The following NAV3 variants were observed in gnomAD, a reference collection of about 807,000 sequenced individuals.
NAV3 encodes the protein neuron navigator 3.
Under a neutral mutation model 244.7 loss-of-function variants are expected in NAV3, and 87 were observed. The observed-to-expected ratio is 0.36, with a 90% confidence interval of 0.30 to 0.42. The LOEUF (loss-of-function observed/expected upper bound fraction) is 0.42, where lower values mean the gene tolerates loss of function less well. Ranked by LOEUF, NAV3 falls within the 20% of genes least tolerant of loss-of-function variation. The pLI, the probability that NAV3 is intolerant of heterozygous loss-of-function variation, is 1.00. For synonymous variants in NAV3, 1,126 were observed against 1,042.2 expected (o/e 1.08, Z -1.55); for missense variants, 2,663 against 2,893.3 (o/e 0.92, Z 1.83).
intron 12 of NAV3, among the ~76,000 whole-genome samples, chr12:78,097,101 C>T (rs1412781517): frequency 1.3e-5 from 2 of 152,120 alleles, no homozygotes; most frequent in Non-Finnish European, 2.9e-5. Context: ...AGGTAGTAGC[C>T]TGAGAGCAGC....
chr12:77,796,212 T>C (rs1008633683), intron 2 of NAV3, among the ~76,000 whole-genome samples: 22 of 151,886 alleles, frequency 1.4e-4, no homozygotes, highest in Admixed American at 8.6e-4. Context: ...TGGGAGGAGG[T>C]TAAAATATCA....
chr12:77,650,630 G>A (rs1354586731), intron 2 of NAV3, among the ~76,000 whole-genome samples: 1 of 152,052 alleles, frequency 6.6e-6, no homozygotes, highest in Non-Finnish European at 1.5e-5. Context: ...TAGTTATTTA[G>A]TGTGGTTTAT....
At chr12:77,678,429 G>A (rs541843143) in intron 2 of NAV3, among the ~76,000 whole-genome samples, 16 of 152,238 alleles carry the variant, frequency 1.1e-4, no homozygotes, top group African/African-American at 3.6e-4. Context: ...GCAGGCATCT[G>A]ATTCCAAAAA....
At chr12:77,964,864 A>C (rs180698321) in intron 3 of NAV3, among the ~76,000 whole-genome samples, 9 of 152,276 alleles carry the variant, frequency 5.9e-5, no homozygotes, top group Admixed American at 5.2e-4. Flanking sequence ...CAAACAGCAT[A>C]TCATTGTATA....
rs868249374 is a variant in NAV3, at chr12:78,132,425, G to A, written c.4441+3559G>A. 9.9e-5 allele frequency among the ~76,000 whole-genome samples: 15 copies of A among 152,250 alleles called. No individual in the cohort carries two copies. In the South Asian group the frequency reaches 3.1e-3, roughly 32 times the overall value. ...GGTTTATATCAGAGATCTCTCAGCTGTGTCAGACAGGCCATGACTTAAGTG... is the reference window on the plus strand; with the variant it reads ...GGTTTATATCAGAGATCTCTCAGCTATGTCAGACAGGCCATGACTTAAGTG... On this transcript the variant is annotated intron_variant, in intron 18 of 39. Transcript: ENST00000397909.
At chr12:77,880,657 A>G (rs1882515471) in intron 1 of NAV3, among the ~76,000 whole-genome samples, 1 of 152,170 alleles carries the variant, frequency 6.6e-6, no homozygotes, top group Admixed American at 6.6e-5. Context: ...GTGGTACCAT[A>G]AGATTATAAT....
intron 2 of NAV3, among the ~76,000 whole-genome samples, chr12:77,720,468 T>C (rs1317306908): frequency 4.6e-5 from 7 of 152,092 alleles, no homozygotes; most frequent in Non-Finnish European, 1.0e-4. Context: ...TTCTTCCTCT[T>C]GTGTCTGTTT....
rs116552251 is a variant in NAV3, at chr12:77,857,190, T to A, written c.243+25486T>A. Reference sequence around the variant, plus strand: ...TTTAATGAGGGAGTACACTTGAATATGTTACTTAATCTCTCTGAGCTCCAG... The same window carrying A: ...TTTAATGAGGGAGTACACTTGAATAAGTTACTTAATCTCTCTGAGCTCCAG... On this transcript the variant is annotated intron_variant, in intron 1 of 39. Coordinates refer to ENST00000397909, the MANE Select transcript of NAV3 (RefSeq NM_001024383.2). Among the ~76,000 whole-genome samples the A allele has an allele frequency of 4.3e-3, 651 of 152,204 alleles. 3 individuals are homozygous for A. Among genetic ancestry groups the A allele is most frequent in the African/African-American group, 0.015 (630 of 41,566 alleles).
intron 7 of NAV3, among the ~76,000 whole-genome samples, chr12:78,001,756 C>T (rs1243934127): frequency 2.6e-5 from 4 of 152,156 alleles, no homozygotes; most frequent in African/African-American, 7.2e-5. Flanking sequence ...GAAATAGAAA[C>T]GTTACAATGG....
At chr12:78,050,648 AAGATGACGTGTTTATAAG>A (rs1004614703) in intron 10 of NAV3, 98 bp from the exon 11 acceptor site, 55 of 1,057,894 alleles carry the variant, frequency 5.2e-5, no homozygotes, top group Non-Finnish European at 7.0e-5. Context: ...AGCTTTCGGG[AAGATGACGTGTTTATAAG>A]AGATGACCCT....
intron 1 of NAV3, among the ~76,000 whole-genome samples, chr12:77,898,188 T>C (rs1884851742): frequency 6.6e-6 from 1 of 152,228 alleles, no homozygotes. Flanking sequence ...TATTATATCA[T>C]GATTTCCGTC....
intron 2 of NAV3, among the ~76,000 whole-genome samples, chr12:77,772,510 G>A (rs1870145297): frequency 6.6e-6 from 1 of 152,092 alleles, no homozygotes; most frequent in African/African-American, 2.4e-5. Context: ...ATGATAAATA[G>A]TGCTACCACT....
chr12:77,603,475 A>G (rs113863016), intron 2 of NAV3, among the ~76,000 whole-genome samples: 1 of 151,872 alleles, frequency 6.6e-6, no homozygotes, highest in African/African-American at 2.4e-5. Context: ...TAAGGTAATA[A>G]CTAAGATTAG....
intron 2 of NAV3, among the ~76,000 whole-genome samples, chr12:77,586,435 A>G (rs1172766389): frequency 6.6e-6 from 1 of 152,200 alleles, no homozygotes; most frequent in African/African-American, 2.4e-5. Context: ...TTTTCACTCA[A>G]AGATAATGGG....
At position 78,050,997 on chromosome 12, in the gene NAV3, C is replaced by G. The variant is rs1882671710; in HGVS notation, c.2366C>G (p.Ala789Gly). ...TATACCACGCCTCTCCGTCGAGCTG[C>G]TGTCTCTAGGCTGGGAAACATGTCA... ...FMYTTPLRRA[A>G]VSRLGNMSQI... is the part of the protein sequence containing the mutation. Residue 789 changes from alanine to glycine, a missense_variant, in exon 11 of 40, where the codon GCT (alanine) becomes GGT (glycine). Ala to Gly is a moderately conservative substitution (Grantham distance 60). Around this residue, in one of 6 missense-constraint regions of NAV3, gnomAD observed 1,521 missense variants for 1,497.0 expected, o/e 1.02. Transcript: ENST00000397909. 1.2e-5 allele frequency: 20 copies of G among 1,614,164 alleles called. No homozygotes were observed. Among genetic ancestry groups the G allele is most frequent in the Non-Finnish European group, 1.6e-5 (19 of 1,180,038 alleles).
rs193186736 is a variant in NAV3, at chr12:78,032,192, T to C, written c.2023+10330T>C. Among the ~76,000 whole-genome samples, 140 of 152,264 alleles carry C rather than the reference T, an allele frequency of 9.2e-4. 2 individuals are homozygous for C. The highest frequency in any genetic ancestry group is 9.6e-4 in the Non-Finnish European group (65 of 68,018). On this transcript the variant is annotated intron_variant, in intron 9 of 39. Coordinates refer to ENST00000397909, the MANE Select transcript of NAV3 (RefSeq NM_001024383.2). The stretch of plus-strand genomic sequence containing the variant: ...CCTATTGCATGACCCACAGGATGTA[T>C]GACATGTAAAGATTTGCCATACTAT...
intron 12 of NAV3, among the ~76,000 whole-genome samples, chr12:78,110,911 C>A (rs1288708236): frequency 6.6e-6 from 1 of 151,850 alleles, no homozygotes; most frequent in East Asian, 1.9e-4. Context: ...GTGAAATAAT[C>A]TAGGCACAAA....
chr12:77,932,365 G>C (rs556429314), intron 1 of NAV3, among the ~76,000 whole-genome samples: 2 of 152,184 alleles, frequency 1.3e-5, no homozygotes, highest in East Asian at 3.9e-4. Flanking sequence ...CATACTTTCT[G>C]AGCCATTCTG....
chr12:77,873,744 G>GTGTGTGTATATATATA (rs776225440), intron 1 of NAV3, among the ~76,000 whole-genome samples: 82 of 73,168 alleles, frequency 1.1e-3, no homozygotes, highest in African/African-American at 1.9e-3. Flanking sequence ...ATGTGTGTGT[G>GTGTGTGTATATATATA]TATATATATA....
Sources: gnomAD v4.1 joint callset for allele counts (sites outside exome capture counted in the v4.1 genomes callset) on GRCh38, gnomAD v4.1.1 for gene constraint, gnomAD v4.1.1 regional missense constraint, MANE v1.5 for transcripts, NCBI Gene and HGNC (gene_info 2026-07-23, HGNC 2026-07-21) for gene names.